ANAPC1: variants seen among roughly 807,000 people sequenced by gnomAD.
ANAPC1 encodes anaphase promoting complex subunit 1, also known as anaphase-promoting complex subunit 1.
Under a neutral mutation model 208.0 loss-of-function variants are expected in ANAPC1, and 36 were observed. That is an observed-to-expected ratio of 0.17 (90% CI 0.13 to 0.23). The LOEUF (loss-of-function observed/expected upper bound fraction) is 0.23, where lower values mean the gene tolerates loss of function less well. Ranked by LOEUF, ANAPC1 falls within the 10% of genes least tolerant of loss-of-function variation. The probability of loss-of-function intolerance (pLI) is 1.00; values close to 1 mark genes in which losing one functional copy is unlikely to be tolerated. For synonymous variants in ANAPC1, 378 were observed against 695.2 expected, an observed-to-expected ratio of 0.54 and a Z score of 7.18; for missense variants, 942 against 2,011.6, an observed-to-expected ratio of 0.47 and a Z score of 10.17.
At position 111,880,803 on chromosome 2, in the gene ANAPC1, C is replaced by G. The variant is rs1683260863; in HGVS notation, c.23G>C (p.Arg8Thr). The change falls in exon 2 of 48, where the codon AGG becomes ACG. Residue 8 changes from arginine to threonine, a missense_variant. Physicochemically the swap from Arg to Thr is moderately conservative, Grantham distance 71 (BLOSUM62 -1). Transcript: ENST00000341068. The stretch of plus-strand genomic sequence containing the variant: ...ATCCCTTGCTGCAATCATCGTTGTC[C>G]TTTCTTCATAGAAGTTCGACATGGG... MSNFYEE[R>T]TTMIAARDLQ... 1 of 1,613,682 alleles carries G rather than the reference C, an allele frequency of 6.2e-7. No individual in the cohort carries two copies. Among genetic ancestry groups the G allele is most frequent in the Non-Finnish European group, 8.5e-7 (1 of 1,179,864 alleles).
chr2:111,831,462 G>T (rs778287954), intron 20 of ANAPC1, 28 bp from the exon 21 acceptor site: 10 of 1,535,088 alleles, frequency 6.5e-6, no homozygotes, highest in Non-Finnish European at 8.9e-6. Context: ...TATTCAAAAA[G>T]ACACGAAAAT....
chr2:111,838,391 G>T (rs1573433861), intron 18 of ANAPC1, 47 bp downstream of exon 18: 1 of 1,456,744 alleles, frequency 6.9e-7, no homozygotes, highest in Admixed American at 2.1e-5. Flanking sequence ...AGAATAGTAT[G>T]AATATCCATA....
intron 34 of ANAPC1, among the ~76,000 whole-genome samples, chr2:111,797,429 T>G (rs1255214140): frequency 4.6e-5 from 7 of 150,964 alleles, no homozygotes; most frequent in Non-Finnish European, 1.0e-4. Context: ...AAGAGCACTT[T>G]CAAAAAAACT....
chr2:111,783,205 G>C lies in ANAPC1; in HGVS notation c.5063+692C>G, dbSNP rs1235511297. On this transcript the variant is annotated intron_variant, in intron 42 of 47. Coordinates refer to ENST00000341068, the MANE Select transcript of ANAPC1 (RefSeq NM_022662.4). ...AAACACTGATTAATAAAGTTCTTTT[G>C]TGCATGTACAAATCAGCTTTACTTT... Among the ~76,000 whole-genome samples the C allele has an allele frequency of 2.0e-5, 3 of 152,300 alleles. No individual in the cohort carries two copies. In the East Asian group the frequency reaches 5.8e-4, roughly 29 times the overall value.
intron 16 of ANAPC1, among the ~76,000 whole-genome samples, chr2:111,845,421 AAAT>A (rs1340726372): frequency 6.6e-6 from 1 of 152,218 alleles, no homozygotes; most frequent in African/African-American, 2.4e-5. Flanking sequence ...GGTTGGAAGC[AAAT>A]AATATTAAAA....
intron 42 of ANAPC1, 64 bp from the exon 43 acceptor site, chr2:111,782,571 T>C: frequency 6.3e-7 from 1 of 1,599,242 alleles, no homozygotes; most frequent in Non-Finnish European, 8.5e-7. Context: ...GAAATAGTGT[T>C]TTCCCAATAC....
At chr2:111,881,815 T>C (rs553596052) in intron 1 of ANAPC1, among the ~76,000 whole-genome samples, 1 of 152,324 alleles carries the variant, frequency 6.6e-6, no homozygotes, top group Non-Finnish European at 1.5e-5. Flanking sequence ...AGCATGAGAA[T>C]GTGGTTTATC....
In ANAPC1 at chr2:111,768,148, A is replaced by G. The variant is rs1242576831; in HGVS notation, c.*1143T>C. ...TGGCCATCCAGGAAGCACAGGACAC[A>G]TATCAGCATCTGAACAGCAGGGAGC... On this transcript the variant is annotated 3_prime_UTR_variant, in exon 48 of 48. Coordinates refer to ENST00000341068, the MANE Select transcript of ANAPC1 (RefSeq NM_022662.4). 2.6e-5 allele frequency: 4 copies of G among 152,246 alleles called. No homozygotes were observed. The highest frequency in any genetic ancestry group is 9.6e-5 in the African/African-American group (4 of 41,458). The allele number at this position is 152,246 out of a possible 1,614,324, so 9.4% of individuals were successfully genotyped here.
Position 111,872,687 on chromosome 2 carries a change from T to C in ANAPC1, c.554A>G (p.Tyr185Cys). The change falls in exon 6 of 48, where the codon TAT becomes TGT. Residue 185 changes from tyrosine to cysteine, a missense_variant. Physicochemically the swap from Tyr to Cys is radical, Grantham distance 194. Transcript: ENST00000341068. ...FQVANVWPTK[Y>C]GLLFERSASS... Reference sequence around the variant, plus strand: ...AGCGCTTCGTTCAAACAGCAATCCATATTTAGTGGGCCAAACATTTGCAAC... The same window carrying C: ...AGCGCTTCGTTCAAACAGCAATCCACATTTAGTGGGCCAAACATTTGCAAC... 4 of 1,613,676 alleles carry C rather than the reference T, an allele frequency of 2.5e-6. No homozygotes were observed. Among genetic ancestry groups the C allele is most frequent in the Non-Finnish European group, 3.4e-6 (4 of 1,179,672 alleles).
In ANAPC1 at chr2:111,794,340, A is replaced by G; in HGVS notation, c.4374-17T>C. The stretch of plus-strand genomic sequence containing the variant: ...TGTGCTTGGCTGAAAACAGGTGACA[A>G]GAAATTTAATAATCATTATTTTACT... On this transcript the variant is annotated splice_polypyrimidine_tract_variant and intron_variant, in intron 35 of 47. Transcript: ENST00000341068. 6.6e-7 allele frequency: 1 copy of G among 1,512,830 alleles called. No individual in the cohort carries two copies. Among genetic ancestry groups the G allele is most frequent in the African/African-American group, 1.4e-5 (1 of 71,360 alleles). 93.7% of individuals were successfully genotyped at this position (1,512,830 alleles called of 1,614,324 possible).
At chr2:111,842,218 A>T (rs1418567406) in intron 17 of ANAPC1, among the ~76,000 whole-genome samples, 2 of 152,256 alleles carry the variant, frequency 1.3e-5, no homozygotes, top group African/African-American at 4.8e-5. Context: ...GGAAATTTTC[A>T]TTGGTATTTT....
intron 7 of ANAPC1, among the ~76,000 whole-genome samples, chr2:111,867,543 T>C (rs1477356345): frequency 1.3e-5 from 2 of 151,580 alleles, no homozygotes; most frequent in Admixed American, 6.6e-5. Context: ...ATATAAAAAA[T>C]TAGCCAGGCA....
intron 5 of ANAPC1, 100 bp downstream of exon 5, chr2:111,873,208 G>T: frequency 2.7e-6 from 3 of 1,128,994 alleles, no homozygotes; most frequent in Non-Finnish European, 3.6e-6. Context: ...TAACATTTTT[G>T]ACTACTACGA....
intron 47 of ANAPC1, among the ~76,000 whole-genome samples, chr2:111,769,675 C>CCGAGA (rs1676612906): frequency 7.3e-6 from 1 of 136,784 alleles, no homozygotes. Context: ...CACCTACTGG[C>CCGAGA]TTTCTTTTTT....
chr2:111,784,334 G>A lies in ANAPC1; in HGVS notation c.4984C>T (p.Leu1662Phe). 6.2e-7 allele frequency: 1 copy of A among 1,614,012 alleles called. No homozygotes were observed. The highest frequency in any genetic ancestry group is 8.5e-7 in the Non-Finnish European group (1 of 1,179,864). The change falls in exon 41 of 48, where the codon CTT becomes TTT. Residue 1662 changes from leucine (L) to phenylalanine (F), a missense_variant. By Grantham distance (22) the Leu-to-Phe change is conservative (BLOSUM62 0). Transcript: ENST00000341068. ...CACACCCAGCTTACCTGCTTTAAAAGATGGAGTTCTGGAAGAAGGGTAGGA... is the reference window on the plus strand; with the variant it reads ...CACACCCAGCTTACCTGCTTTAAAAAATGGAGTTCTGGAAGAAGGGTAGGA... Reference protein sequence around the residue: ...MAPTLLPELHLLKQIKVKGPR... With the variant: ...MAPTLLPELHFLKQIKVKGPR...
Position 111,855,650 on chromosome 2 carries a change from A to C in ANAPC1, c.1515+964T>G, listed in dbSNP as rs531714697. ...TTTATATAAAAATTCAAAAACAAGG[A>C]AAACTAAATAATGCATTCTTTAGTG... On this transcript the variant is annotated intron_variant, in intron 13 of 47. Transcript: ENST00000341068. 2.0e-5 allele frequency among the ~76,000 whole-genome samples: 3 copies of C among 152,308 alleles called. No homozygotes were observed. The South Asian group carries it at 6.2e-4, about 32-fold the overall frequency.
At chr2:111,787,374 G>C (rs1677615510) in intron 39 of ANAPC1, among the ~76,000 whole-genome samples, 1 of 150,502 alleles carries the variant, frequency 6.6e-6, no homozygotes, top group South Asian at 2.1e-4. Flanking sequence ...TACCATCAGA[G>C]TGTGGTCTTC....
chr2:111,856,113 T>C (rs959836251), intron 13 of ANAPC1, among the ~76,000 whole-genome samples: 1 of 152,122 alleles, frequency 6.6e-6, no homozygotes, highest in East Asian at 1.9e-4. Flanking sequence ...CAGGCGCCTA[T>C]AGTCCCAGCT....
At chr2:111,811,901 ACT>A (rs1436506909) in intron 28 of ANAPC1, among the ~76,000 whole-genome samples, 1 of 119,972 alleles carries the variant, frequency 8.3e-6, no homozygotes, top group African/African-American at 3.3e-5. Flanking sequence ...ATCCAGCCAG[ACT>A]TAATCCAGAC....
Sources: gnomAD v4.1 joint callset for allele counts (sites outside exome capture counted in the v4.1 genomes callset) on GRCh38, gnomAD v4.1.1 for gene constraint, MANE v1.5 for transcripts, NCBI Gene and HGNC (gene_info 2026-07-23, HGNC 2026-07-21) for gene names.